The following VRK1 variants were observed in gnomAD, a reference collection of about 807,000 sequenced individuals.
The protein encoded by VRK1 is serine/threonine-protein kinase VRK1.
In VRK1, 33 loss-of-function variants were observed where a neutral mutation model predicts 57.1. That is an observed-to-expected ratio of 0.58 (90% CI 0.44 to 0.77). VRK1 has a LOEUF of 0.77. Among genes scored for constraint, VRK1 ranks in the 30% least tolerant of loss-of-function variants. VRK1 has a pLI of 0.00. For synonymous variants in VRK1, 137 were observed against 147.8 expected (o/e 0.93, Z 0.53); for missense variants, 413 against 477.3 (o/e 0.87, Z 1.25).
intron 1 of VRK1, 123 bp from the exon 2 acceptor site, chr14:96,833,344 C>A: frequency 9.4e-7 from 1 of 1,068,774 alleles, no homozygotes; most frequent in Non-Finnish European, 1.4e-6. Flanking sequence ...AACAGGTATC[C>A]TTTAAGTTTT....
At position 96,852,834 on chromosome 14, in the gene VRK1, C is replaced by T. The variant is rs1344283744; in HGVS notation, c.378C>T (p.Tyr126=). The change falls in exon 6 of 13, where the codon TAC becomes TAT. Residue 126 remains tyrosine, a synonymous_variant. Coordinates refer to ENST00000216639, the MANE Select transcript of VRK1 (RefSeq NM_003384.3). Reference sequence around the variant, plus strand: ...GGCTTTTCATATTTGTCTTCAGTTACAGGTTTATGATAATGGATCGCTTTG... The same window carrying T: ...GGCTTTTCATATTTGTCTTCAGTTATAGGTTTATGATAATGGATCGCTTTG... ...SGLHDKNGKS[Y]RFMIMDRFGS... is the part of the protein sequence containing the mutation. The T allele has an allele frequency of 6.2e-7, 1 of 1,613,096 alleles. No individual in the cohort carries two copies. The highest frequency in any genetic ancestry group is 2.2e-5 in the East Asian group (1 of 44,824).
At chr14:96,852,703 G>T (rs1887998108) in intron 5 of VRK1, 128 bp from the exon 6 acceptor site, 1 of 736,900 alleles carries the variant, frequency 1.4e-6, no homozygotes. Context: ...TCAAATGTTT[G>T]TATTTCTTTT....
At chr14:96,847,163 G>A in intron 4 of VRK1, 94 bp from the exon 5 acceptor site, 1 of 903,800 alleles carries the variant, frequency 1.1e-6, no homozygotes, top group Non-Finnish European at 1.8e-6. Context: ...AATTCTTATT[G>A]CATGTATAAA....
intron 1 of VRK1, among the ~76,000 whole-genome samples, chr14:96,817,631 C>T (rs1886444765): frequency 1.3e-5 from 2 of 152,020 alleles, no homozygotes; most frequent in Admixed American, 6.6e-5. Context: ...AAATGTTGTT[C>T]AGTAGCTGTT....
chr14:96,836,862 T>C (rs1298748165), intron 2 of VRK1, among the ~76,000 whole-genome samples: 1 of 152,044 alleles, frequency 6.6e-6, no homozygotes, highest in Non-Finnish European at 1.5e-5. Context: ...CTCCCTGGAG[T>C]GCTCTTCACT....
intron 11 of VRK1, among the ~76,000 whole-genome samples, chr14:96,862,744 C>G (rs540480606): frequency 2.0e-5 from 3 of 152,034 alleles, no homozygotes; most frequent in African/African-American, 7.2e-5. Context: ...ACCCAGATGT[C>G]TTTTTTTGCT....
At chr14:96,868,718 AAAATTGAGATCTC>A (rs1473936638) in intron 11 of VRK1, among the ~76,000 whole-genome samples, 1 of 152,156 alleles carries the variant, frequency 6.6e-6, no homozygotes, top group Non-Finnish European at 1.5e-5. Flanking sequence ...AGAAGTACTC[AAAATTGAGATCTC>A]AAAGGATATT....
intron 3 of VRK1, among the ~76,000 whole-genome samples, chr14:96,845,616 A>T (rs1381701551): frequency 6.6e-6 from 1 of 152,136 alleles, no homozygotes; most frequent in African/African-American, 2.4e-5. Flanking sequence ...TCTTTGTGGT[A>T]AGGTCTGTTT....
At chr14:96,855,813 A>G (rs929340368) in intron 8 of VRK1, among the ~76,000 whole-genome samples, 1 of 152,212 alleles carries the variant, frequency 6.6e-6, no homozygotes, top group Non-Finnish European at 1.5e-5. Context: ...TCTTAATAGC[A>G]TATAAAAATT....
At chr14:96,824,344 C>A (rs1701218586) in intron 1 of VRK1, among the ~76,000 whole-genome samples, 1 of 152,118 alleles carries the variant, frequency 6.6e-6, no homozygotes, top group South Asian at 2.1e-4. Flanking sequence ...AGACTGGAAT[C>A]CAGGATACTA....
At chr14:96,820,895 A>G (rs772410222) in intron 1 of VRK1, among the ~76,000 whole-genome samples, 1 of 152,196 alleles carries the variant, frequency 6.6e-6, no homozygotes, top group Admixed American at 6.5e-5. Context: ...CATTCACTGC[A>G]AAAGAGGTAA....
intron 12 of VRK1, among the ~76,000 whole-genome samples, chr14:96,880,783 C>T (rs922140462): frequency 3.3e-5 from 5 of 152,146 alleles, no homozygotes; most frequent in Admixed American, 2.6e-4. Flanking sequence ...GTGACCTCAT[C>T]GCTTCCACCT....
intron 1 of VRK1, among the ~76,000 whole-genome samples, chr14:96,827,938 T>C (rs1886862915): frequency 6.6e-6 from 1 of 152,214 alleles, no homozygotes; most frequent in African/African-American, 2.4e-5. Context: ...GATTGGGATA[T>C]AGAATGCTAC....
intron 12 of VRK1, among the ~76,000 whole-genome samples, chr14:96,879,022 A>C (rs1335946819): frequency 1.3e-5 from 2 of 152,122 alleles, no homozygotes; most frequent in Non-Finnish European, 2.9e-5. Context: ...GAATCTTTGG[A>C]GAAAGCATGA....
At chr14:96,839,863 G>A (rs1240882110) in intron 3 of VRK1, among the ~76,000 whole-genome samples, 1 of 151,820 alleles carries the variant, frequency 6.6e-6, no homozygotes, top group African/African-American at 2.4e-5. Context: ...TGAATCACAG[G>A]GTTTTTCTCC....
chr14:96,825,757 G>A (rs906279743), intron 1 of VRK1, among the ~76,000 whole-genome samples: 1 of 152,158 alleles, frequency 6.6e-6, no homozygotes, highest in Non-Finnish European at 1.5e-5. Flanking sequence ...TAGAATGGTG[G>A]AGTCCAGTTT....
At chr14:96,866,755 G>T (rs1051446612) in intron 11 of VRK1, among the ~76,000 whole-genome samples, 3 of 152,176 alleles carry the variant, frequency 2.0e-5, no homozygotes, top group African/African-American at 7.2e-5. Context: ...TCACATTCTT[G>T]AAGTGTCTGA....
chr14:96,864,293 A>G (rs995957501), intron 11 of VRK1, among the ~76,000 whole-genome samples: 36 of 152,342 alleles, frequency 2.4e-4, no homozygotes, highest in African/African-American at 8.7e-4. Flanking sequence ...ACTTTTACAC[A>G]ATACTCATTT....
chr14:96,833,735 G>T, intron 2 of VRK1, 104 bp downstream of exon 2: 1 of 1,535,818 alleles, frequency 6.5e-7, no homozygotes, highest in Non-Finnish European at 8.9e-7. Flanking sequence ...CTAATAATCT[G>T]CAGTCAACTT....
Sources: gnomAD v4.1 joint callset for allele counts (sites outside exome capture counted in the v4.1 genomes callset) on GRCh38, gnomAD v4.1.1 for gene constraint, MANE v1.5 for transcripts, NCBI Gene and HGNC (gene_info 2026-07-23, HGNC 2026-07-21) for gene names.